Variants in ZNF91 observed in about 807,000 individuals in gnomAD.
ZNF91 encodes the protein zinc finger protein 91.
In ZNF91, 7 loss-of-function variants were observed where a neutral mutation model predicts 12.6. The observed-to-expected ratio is 0.55, with a 90% CI of 0.31 to 1.04. The LOEUF is 1.04. ZNF91 is among the 50% of genes least tolerant of loss of function. The pLI, the probability that ZNF91 is intolerant of heterozygous loss-of-function variation, is 0.05. For synonymous variants in ZNF91, 453 were observed against 462.6 expected (o/e 0.98, Z 0.27); for missense variants, 1,217 against 1,385.4 (o/e 0.88, Z 1.93).
downstream of ZNF91, among the ~76,000 whole-genome samples, chr19:23,334,682 A>G (rs1234068839): frequency 6.6e-6 from 1 of 152,196 alleles, no homozygotes. Flanking sequence ...TTTAGAAGGG[A>G]CGGACTTCTT....
rs1469350478 is a variant in ZNF91 at position 23,390,397 on chromosome 19, G to A, written c.30+4928C>T. Reference sequence around the variant, plus strand: ...AAGAATAAAGGTGGAAAAAGATGAAGCACATAGATGATAAACAGCTGTGAT... The same window carrying A: ...AAGAATAAAGGTGGAAAAAGATGAAACACATAGATGATAAACAGCTGTGAT... On this transcript the variant is annotated intron_variant, in intron 1 of 3. Transcript: ENST00000300619. 2.0e-5 allele frequency among the ~76,000 whole-genome samples: 3 copies of A among 152,246 alleles called. No homozygotes were observed. In the South Asian group the frequency reaches 6.2e-4, roughly 32 times the overall value.
chr19:23,386,313 T>C (rs991547008), intron 1 of ZNF91, among the ~76,000 whole-genome samples: 3 of 152,054 alleles, frequency 2.0e-5, no homozygotes, highest in African/African-American at 4.8e-5. Context: ...AAAACTGTTG[T>C]AAAATTCATA....
At chr19:23,357,281 A>C (rs1295887712), downstream of ZNF91, among the ~76,000 whole-genome samples, 1 of 152,136 alleles carries the variant, frequency 6.6e-6, no homozygotes, top group East Asian at 1.9e-4. Context: ...AAAACCTATT[A>C]AACAACAACA....
chr19:23,337,028 G>GCA (rs1968023641), downstream of ZNF91, among the ~76,000 whole-genome samples: 1 of 152,134 alleles, frequency 6.6e-6, no homozygotes, highest in Non-Finnish European at 1.5e-5. Flanking sequence ...GTATAATTTA[G>GCA]TTACATGCAT....
intron 3 of ZNF91, among the ~76,000 whole-genome samples, chr19:23,351,775 C>T (rs530712011): frequency 1.0e-3 from 156 of 152,250 alleles, no homozygotes; most frequent in African/African-American, 3.6e-3. Context: ...CTGCAGGACC[C>T]GGGAGACACC....
At chr19:23,341,980 A>C (rs1248718821) in intron 3 of ZNF91, among the ~76,000 whole-genome samples, 2 of 152,224 alleles carry the variant, frequency 1.3e-5, no homozygotes, top group Non-Finnish European at 2.9e-5. Flanking sequence ...CTAAATAGGA[A>C]GTAGGATCCT....
At chr19:23,318,227 T>C (rs1294508623) in intron 1 of ZNF91, among the ~76,000 whole-genome samples, 2 of 152,164 alleles carry the variant, frequency 1.3e-5, no homozygotes, top group African/African-American at 4.8e-5. Flanking sequence ...ACATGGCCCA[T>C]TGTGATATAT....
At chr19:23,381,353 T>A (rs933944841) in intron 1 of ZNF91, among the ~76,000 whole-genome samples, 4 of 152,164 alleles carry the variant, frequency 2.6e-5, no homozygotes, top group African/African-American at 9.7e-5. Flanking sequence ...ATGCAGGTTG[T>A]CTACAAACAT....
chr19:23,369,373 G>A (rs1307353997), intron 3 of ZNF91, among the ~76,000 whole-genome samples: 3 of 151,024 alleles, frequency 2.0e-5, no homozygotes, highest in East Asian at 2.0e-4. Context: ...CAGCCGCCCC[G>A]TCCGGGAGGG....
chr19:23,375,756 T>C (rs535576756), intron 1 of ZNF91, among the ~76,000 whole-genome samples: 4 of 152,068 alleles, frequency 2.6e-5, no homozygotes, highest in Admixed American at 6.6e-5. Flanking sequence ...TGTGATGTTT[T>C]ATGCACATCA....
At chr19:23,365,528 A>G (rs1968966178) in intron 3 of ZNF91, among the ~76,000 whole-genome samples, 1 of 152,188 alleles carries the variant, frequency 6.6e-6, no homozygotes, top group Non-Finnish European at 1.5e-5. Context: ...TATATAAAAT[A>G]AAGCTCTCTA....
intron 3 of ZNF91, among the ~76,000 whole-genome samples, chr19:23,341,806 A>G (rs1396330258): frequency 1.3e-5 from 2 of 152,194 alleles, no homozygotes; most frequent in Non-Finnish European, 2.9e-5. Flanking sequence ...CATTTCAGAC[A>G]TGATGGGAAA....
chr19:23,346,949 C>G (rs192380779), intron 3 of ZNF91, among the ~76,000 whole-genome samples: 1 of 152,272 alleles, frequency 6.6e-6, no homozygotes, highest in East Asian at 1.9e-4. Flanking sequence ...AACTTGGCCA[C>G]GCCAAAGATC....
At chr19:23,383,051 A>G (rs1057415648) in intron 1 of ZNF91, among the ~76,000 whole-genome samples, 2 of 152,260 alleles carry the variant, frequency 1.3e-5, no homozygotes. Flanking sequence ...ACAAACCAAT[A>G]AAATTCAGGC....
At chr19:23,375,942 T>C (rs1969490724) in intron 1 of ZNF91, among the ~76,000 whole-genome samples, 1 of 152,200 alleles carries the variant, frequency 6.6e-6, no homozygotes, top group Non-Finnish European at 1.5e-5. Flanking sequence ...AATTTAACCA[T>C]AAGAAAATAT....
At position 23,362,126 on chromosome 19, in the gene ZNF91, T is replaced by C. The variant is rs1968816333; in HGVS notation, c.853A>G (p.Lys285Glu). 1 of 1,614,158 alleles carries C rather than the reference T, an allele frequency of 6.2e-7. No individual in the cohort carries two copies. The highest frequency in any genetic ancestry group is 8.5e-7 in the Non-Finnish European group (1 of 1,180,006). The change falls in exon 4 of 4, where the codon AAG becomes GAG. Residue 285 changes from lysine (K) to glutamate (E), a missense_variant. Physicochemically the swap from Lys to Glu is moderately conservative, Grantham distance 56. This residue lies in a region of ZNF91 where 726 missense variants were observed against 895.5 expected (regional missense o/e 0.81). Transcript: ENST00000300619. ...GGTTTCTCTCCAGTGTGTATCCTCT[T>C]ATGTCTAGTTAGGGTTGAGGACCAT... ...FLWSSTLTRH[K>E]RIHTGEKPYK...
intron 1 of ZNF91, among the ~76,000 whole-genome samples, chr19:23,322,279 T>A (rs965349728): frequency 4.6e-5 from 7 of 152,144 alleles, no homozygotes; most frequent in Admixed American, 3.3e-4. Context: ...CAGAAAGTAT[T>A]GTGATGTATT....
downstream of ZNF91, among the ~76,000 whole-genome samples, chr19:23,355,142 T>C (rs295373): frequency 6.6e-6 from 1 of 152,042 alleles, no homozygotes; most frequent in Non-Finnish European, 1.5e-5. Flanking sequence ...AAAAAGAGCC[T>C]GCACAGCCAA....
At chr19:23,347,251 G>A (rs1237566479) in intron 3 of ZNF91, among the ~76,000 whole-genome samples, 2 of 152,024 alleles carry the variant, frequency 1.3e-5, no homozygotes, top group East Asian at 1.9e-4. Flanking sequence ...CTCATTATGC[G>A]TTCCACATAG....
Sources: allele counts gnomAD v4.1 joint callset (sites outside exome capture counted in the v4.1 genomes callset), GRCh38; gene constraint gnomAD v4.1.1; regional missense constraint gnomAD v4.1.1; transcripts MANE v1.5; gene names NCBI Gene and HGNC (gene_info 2026-07-23, HGNC 2026-07-21).